Variants in KLHL36 observed in about 807,000 individuals in gnomAD.
KLHL36 encodes the protein kelch-like protein 36.
KLHL36 carries 35 observed loss-of-function variants against 53.3 expected under a neutral mutation model. The ratio of observed to expected loss-of-function variants is 0.66; its 90% CI spans 0.50 to 0.87. The LOEUF (loss-of-function observed/expected upper bound fraction) is 0.87. Ranked by LOEUF, KLHL36 falls within the 40% of genes least tolerant of loss-of-function variation. The pLI, the probability that KLHL36 is intolerant of heterozygous loss-of-function variation, is 0.00. For missense variants in KLHL36, 864 were observed against 897.6 expected (o/e 0.96, Z 0.48); for synonymous variants, 472 against 398.9 (o/e 1.18, Z -2.18).
At position 84,657,415 on chromosome 16, in the gene KLHL36, A is replaced by C; in HGVS notation, c.608A>C (p.Gln203Pro). The change falls in exon 3 of 5, where the codon CAG becomes CCG. Residue 203 changes from glutamine (Q) to proline (P), a missense_variant. Physicochemically the swap from Gln to Pro is moderately conservative, Grantham distance 76. Transcript: ENST00000564996. ...LCVYLSSSEV[Q>P]RECEHDLLQA... The stretch of plus-strand genomic sequence containing the variant: ...GTCTACCTGAGCAGCAGCGAGGTGC[A>C]GCGGGAGTGTGAGCACGACCTCCTG... 6.2e-7 allele frequency: 1 copy of C among 1,606,552 alleles called. No homozygotes were observed. Among genetic ancestry groups the C allele is most frequent in the South Asian group, 1.1e-5 (1 of 91,086 alleles).
At chr16:84,654,418 C>T (rs1907082484) in intron 2 of KLHL36, among the ~76,000 whole-genome samples, 2 of 152,236 alleles carry the variant, frequency 1.3e-5, no homozygotes, top group South Asian at 4.1e-4. Flanking sequence ...GAGGCTGAGG[C>T]AGGAGGATCG....
rs766474834 is a variant in KLHL36 at position 84,662,040 on chromosome 16, T to C, written c.1758T>C (p.Ala586=). Residue 586 remains alanine (A), a synonymous_variant, in exon 5 of 5, where the codon GCT becomes GCC. Transcript: ENST00000564996. Reference sequence around the variant, plus strand: ...GCGTCGACCTGCCCAAGGCCATCGCTGGCGGGTCCGCCTGTGTCTGCGCCC... The same window carrying C: ...GCGTCGACCTGCCCAAGGCCATCGCCGGCGGGTCCGCCTGTGTCTGCGCCC... ...SRGVDLPKAI[A]GGSACVCALE... is the part of the protein sequence containing the mutation. The C allele has an allele frequency of 5.3e-5, 84 of 1,583,938 alleles. No homozygotes were observed. The highest frequency in any genetic ancestry group is 6.9e-5 in the Non-Finnish European group (81 of 1,166,314).
At position 84,660,636 on chromosome 16, in the gene KLHL36, T is replaced by C. The variant is rs369933685; in HGVS notation, c.1295+719T>C. 2.9e-4 allele frequency among the ~76,000 whole-genome samples: 44 copies of C among 152,266 alleles called. 1 individual carries two copies. In the South Asian group the frequency reaches 7.7e-3, roughly 27 times the overall value. On this transcript the variant is annotated intron_variant, in intron 4 of 4. Transcript: ENST00000564996. ...GGGGTAAGCGCTCGTATTTTTGTTT[T>C]TCTGAGAGAGAGTCTCTCTCTGTCA...
intron 2 of KLHL36, among the ~76,000 whole-genome samples, chr16:84,652,551 G>A (rs923981736): frequency 9.2e-5 from 14 of 152,244 alleles, no homozygotes; most frequent in Admixed American, 3.3e-4. Flanking sequence ...TTACAGGCGC[G>A]AGCCACCATG....
Position 84,657,874 on chromosome 16 carries a change from G to A in KLHL36, c.1067G>A (p.Arg356Gln), listed in dbSNP as rs1322072069. 1.5e-5 allele frequency: 23 copies of A among 1,582,540 alleles called. No homozygotes were observed. The highest frequency in any genetic ancestry group is 1.1e-4 in the African/African-American group (8 of 73,904). ...FIFIAGGSFS[R>Q]DNGGDAASNL... is the part of the protein sequence containing the mutation. The stretch of plus-strand genomic sequence containing the variant: ...TTCATCGCCGGCGGCAGCTTCTCAC[G>A]GGACAACGGAGGGGATGCGGCCTCC... Residue 356 changes from arginine (R) to glutamine (Q), a missense_variant, in exon 3 of 5, where the codon CGG (arginine) becomes CAG (glutamine). Coordinates refer to ENST00000564996, the MANE Select transcript of KLHL36 (RefSeq NM_024731.4).
At chr16:84,656,769 T>C (rs1004125888) in intron 2 of KLHL36, 102 bp from the exon 3 acceptor site, 1 of 785,318 alleles carries the variant, frequency 1.3e-6, no homozygotes, top group Non-Finnish European at 2.1e-6. Context: ...ATTTCCTGTT[T>C]TCTTCAGTTT....
intron 2 of KLHL36, among the ~76,000 whole-genome samples, chr16:84,652,773 A>G (rs960763510): frequency 6.6e-6 from 1 of 152,092 alleles, no homozygotes; most frequent in Non-Finnish European, 1.5e-5. Context: ...GAGGTCGGGT[A>G]CTCTTGTGTG....
At position 84,661,600 on chromosome 16, in the gene KLHL36, A is replaced by T. The variant is rs1597224434; in HGVS notation, c.1318A>T (p.Thr440Ser). 1.2e-6 allele frequency: 2 copies of T among 1,601,008 alleles called. No homozygotes were observed. The highest frequency in any genetic ancestry group is 1.7e-6 in the Non-Finnish European group (2 of 1,171,538). ...CAGGTTCACGTACGGCCACGCGGGC[A>T]CCATCTACAAAGACTTCGTGTACAT... The part of the protein sequence containing the change: ...LPRFTYGHAG[T>S]IYKDFVYISG... The change falls in exon 5 of 5, where the codon ACC becomes TCC. Residue 440 changes from threonine to serine, a missense_variant. Transcript: ENST00000564996. The surrounding 1 kb of genome is among the most constrained non-coding windows in gnomAD (Gnocchi z 7.9).
Position 84,662,353 on chromosome 16 carries a change from C to T in KLHL36, c.*220C>T. 1 of 494,040 alleles carries T rather than the reference C, an allele frequency of 2.0e-6. No homozygotes were observed. The highest frequency in any genetic ancestry group is 3.6e-6 in the Non-Finnish European group (1 of 277,168). The allele number at this position is 494,040 out of a possible 1,614,324, so 30.6% of individuals were successfully genotyped here. A position where few individuals can be genotyped will look rare whatever the true frequency, so the allele number is the denominator to read the frequency against. On this transcript the variant is annotated 3_prime_UTR_variant, in exon 5 of 5. Coordinates refer to ENST00000564996, the MANE Select transcript of KLHL36 (RefSeq NM_024731.4). ...ACTAACCCTGGGCCCAGGCAGTGAG[C>T]AACCCCTTGTATCTTCACAGGTCTT...
intron 2 of KLHL36, among the ~76,000 whole-genome samples, chr16:84,651,310 C>T (rs554910145): frequency 1.3e-5 from 2 of 152,262 alleles, no homozygotes; most frequent in Admixed American, 1.3e-4. Flanking sequence ...AGCCTTCTAC[C>T]TTAGGGTGAG....
At chr16:84,656,841 C>G (rs371722853) in intron 2 of KLHL36, 30 bp from the exon 3 acceptor site, 60 of 1,550,768 alleles carry the variant, frequency 3.9e-5, no homozygotes, top group Non-Finnish European at 5.1e-5. Flanking sequence ...CAGGCTGCTG[C>G]GCCGTTTCTA....
chr16:84,658,322 G>T (rs917836394), intron 3 of KLHL36: 2 of 169,766 alleles, frequency 1.2e-5, no homozygotes, highest in Non-Finnish European at 2.5e-5. Flanking sequence ...CGATTGACGT[G>T]TAAGTGTATG....
Position 84,657,372 on chromosome 16 carries a change from T to C in KLHL36, c.565T>C (p.Ser189Pro), listed in dbSNP as rs750105461. Reference protein sequence around the residue: ...SFTPDFLQNVSMQKLCVYLSS... With the variant: ...SFTPDFLQNVPMQKLCVYLSS... Reference sequence around the variant, plus strand: ...TACGCCCGACTTCCTGCAGAACGTCTCCATGCAGAAGCTGTGTGTCTACCT... The same window carrying C: ...TACGCCCGACTTCCTGCAGAACGTCCCCATGCAGAAGCTGTGTGTCTACCT... The change falls in exon 3 of 5, where the codon TCC (serine) becomes CCC (proline). Residue 189 changes from serine to proline, a missense_variant. Ser to Pro is a moderately conservative substitution (Grantham distance 74). Transcript: ENST00000564996. 1.2e-6 allele frequency: 2 copies of C among 1,610,758 alleles called. No homozygotes were observed. Among genetic ancestry groups the C allele is most frequent in the Non-Finnish European group, 1.7e-6 (2 of 1,179,986 alleles).
intron 3 of KLHL36, chr16:84,658,212 C>G (rs1907339233): frequency 2.9e-6 from 1 of 344,056 alleles, no homozygotes; most frequent in African/African-American, 2.1e-5. Flanking sequence ...TCTGTCTGTA[C>G]TTCCCGATAC....
chr16:84,661,894 G>A lies in KLHL36; in HGVS notation c.1612G>A (p.Glu538Lys). 2 of 1,599,490 alleles carry A rather than the reference G, an allele frequency of 1.3e-6. No individual in the cohort carries two copies. The highest frequency in any genetic ancestry group is 2.3e-5 in the East Asian group (1 of 44,376). The change falls in exon 5 of 5, where the codon GAG (glutamate) becomes AAG (lysine). Residue 538 changes from glutamate (E) to lysine (K), a missense_variant. Coordinates refer to ENST00000564996, the MANE Select transcript of KLHL36 (RefSeq NM_024731.4). This position sits in a 1 kb window ranked among gnomAD's most constrained non-coding sequence, Gnocchi z 7.9. ...RVAPLLHANS[E>K]SGVAVWEGRI... ...GGCGCCGCTGCTGCACGCCAACAGC[G>A]AGTCGGGCGTGGCAGTGTGGGAGGG...
In KLHL36 at chr16:84,661,668, C is replaced by T; in HGVS notation, c.1386C>T (p.Asn462=). The part of the protein sequence containing the change: ...HDYQIGPYRK[N]LLCYDHRTDV... ...ACCAAATTGGCCCCTACCGCAAGAA[C>T]CTGCTATGCTACGACCACCGGACAG... The change falls in exon 5 of 5, where the codon AAC becomes AAT. Residue 462 remains asparagine, a synonymous_variant. Transcript: ENST00000564996. The surrounding 1 kb of genome is among the most constrained non-coding windows in gnomAD (Gnocchi z 7.9). 6.2e-7 allele frequency: 1 copy of T among 1,613,508 alleles called. No homozygotes were observed. The highest frequency in any genetic ancestry group is 8.5e-7 in the Non-Finnish European group (1 of 1,179,914).
At chr16:84,658,966 C>G (rs12445708) in intron 3 of KLHL36, 5 of 151,274 alleles carry the variant, frequency 3.3e-5, no homozygotes, top group Non-Finnish European at 7.4e-5. Context: ...GCCTTGGATT[C>G]GTTTAAAAAA....
chr16:84,657,138 C>G lies in KLHL36; in HGVS notation c.331C>G (p.Leu111Val), dbSNP rs781544261. ...CTTCCTGTACGGCGGGGAGCTGGTG[C>G]TGGATGGCGGCAACATTGACTACGT... ...VDFLYGGELV[L>V]DGGNIDYVLE... is the part of the protein sequence containing the mutation. The change falls in exon 3 of 5, where the codon CTG becomes GTG. Residue 111 changes from leucine to valine, a missense_variant. By Grantham distance (32) the Leu-to-Val change is conservative. Transcript: ENST00000564996. The G allele has an allele frequency of 6.2e-7, 1 of 1,614,164 alleles. No individual in the cohort carries two copies. The highest frequency in any genetic ancestry group is 1.1e-5 in the South Asian group (1 of 91,076).
chr16:84,662,391 T>C lies in KLHL36; in HGVS notation c.*258T>C, dbSNP rs1039853028. The C allele has an allele frequency of 2.0e-5, 7 of 351,180 alleles. No individual in the cohort carries two copies. The highest frequency in any genetic ancestry group is 3.2e-5 in the Non-Finnish European group (6 of 190,344). The allele number at this position is 351,180 out of a possible 1,614,324, so 21.8% of individuals were successfully genotyped here. A position where few individuals can be genotyped will look rare whatever the true frequency, so the allele number is the denominator to read the frequency against. ...CTTCACAGGTCTTTGCCCCGTGTTA[T>C]GATTCCTCATGGGTCCTTGCTGACT... On this transcript the variant is annotated 3_prime_UTR_variant, in exon 5 of 5. Transcript: ENST00000564996.
Sources: gnomAD v4.1 joint callset for allele counts (sites outside exome capture counted in the v4.1 genomes callset) on GRCh38, gnomAD v4.1.1 for gene constraint, Gnocchi (gnomAD v3.1) non-coding constraint, MANE v1.5 for transcripts, NCBI Gene and HGNC (gene_info 2026-07-23, HGNC 2026-07-21) for gene names.